The following CAMK2A variants were observed in gnomAD, a reference collection of about 807,000 sequenced individuals.
CAMK2A encodes calcium/calmodulin dependent protein kinase II alpha, also known as calcium/calmodulin-dependent protein kinase type II subunit alpha.
CAMK2A carries 7 observed loss-of-function variants against 79.2 expected under a neutral mutation model. The ratio of observed to expected loss-of-function variants is 0.09; its 90% CI spans 0.05 to 0.17. The LOEUF (loss-of-function observed/expected upper bound fraction) is 0.17. Ranked by LOEUF, CAMK2A falls within the 10% of genes least tolerant of loss-of-function variation. The probability of loss-of-function intolerance (pLI) is 1.00; values close to 1 mark genes in which losing one functional copy is unlikely to be tolerated. For missense variants in CAMK2A, 214 were observed against 646.4 expected, an observed-to-expected ratio of 0.33 and a Z score of 7.25; for synonymous variants, 242 against 251.7, an observed-to-expected ratio of 0.96 and a Z score of 0.36.
At chr5:150,240,367 C>G (rs1452175000) in intron 13 of CAMK2A, among the ~76,000 whole-genome samples, 3 of 152,178 alleles carry the variant, frequency 2.0e-5, no homozygotes, top group African/African-American at 4.8e-5. Context: ...CTCTAAGTAG[C>G]CTTTGCAATC....
intron 1 of CAMK2A, among the ~76,000 whole-genome samples, chr5:150,278,365 T>G (rs1757047407): frequency 1.3e-5 from 2 of 151,376 alleles, no homozygotes; most frequent in African/African-American, 4.9e-5. Flanking sequence ...TCCTCCCTTT[T>G]TTATCTTCTG....
chr5:150,230,809 G>A (rs1413057547), intron 16 of CAMK2A, among the ~76,000 whole-genome samples: 1 of 152,244 alleles, frequency 6.6e-6, no homozygotes, highest in East Asian at 1.9e-4. Flanking sequence ...ATTCTGCTTA[G>A]AATTACTTCT....
At chr5:150,253,857 AAGCAGC>A (rs139916117) in intron 6 of CAMK2A, among the ~76,000 whole-genome samples, 16 of 149,008 alleles carry the variant, frequency 1.1e-4, no homozygotes, top group African/African-American at 3.1e-4. Flanking sequence ...CACCACAATA[AAGCAGC>A]AGCAGCAGCA....
chr5:150,267,781 A>G (rs1488797894), intron 2 of CAMK2A, among the ~76,000 whole-genome samples: 1 of 151,926 alleles, frequency 6.6e-6, no homozygotes, highest in Non-Finnish European at 1.5e-5. Flanking sequence ...GAGTCCCTTT[A>G]TCAAAATCAC....
chr5:150,222,955 A>C, intron 18 of CAMK2A, 34 bp downstream of exon 18: 4 of 1,585,484 alleles, frequency 2.5e-6, no homozygotes, highest in Non-Finnish European at 3.5e-6. Flanking sequence ...CATCCTTTAC[A>C]TTACCCTGGG....
At chr5:150,282,358 G>A (rs1757252245) in intron 1 of CAMK2A, among the ~76,000 whole-genome samples, 1 of 152,184 alleles carries the variant, frequency 6.6e-6, no homozygotes, top group Non-Finnish European at 1.5e-5. Context: ...GGGTTTTTTT[G>A]TATGGGTCAC....
At chr5:150,264,863 G>A (rs920816591) in intron 3 of CAMK2A, 93 bp downstream of exon 3, 2 of 910,910 alleles carry the variant, frequency 2.2e-6, no homozygotes, top group Non-Finnish European at 3.7e-6. Flanking sequence ...GAGAGCAGCT[G>A]CTCTCCACCC....
intron 17 of CAMK2A, among the ~76,000 whole-genome samples, chr5:150,227,670 G>T (rs1272515793): frequency 6.6e-6 from 1 of 152,194 alleles, no homozygotes; most frequent in African/African-American, 2.4e-5. Flanking sequence ...GGACAGACAT[G>T]CAGGACAGAG....
intron 13 of CAMK2A, among the ~76,000 whole-genome samples, chr5:150,242,284 CTT>C (rs1194988853): frequency 5.9e-5 from 9 of 152,214 alleles, no homozygotes; most frequent in Admixed American, 5.9e-4. Flanking sequence ...AAATCTCCCT[CTT>C]TCACCAAAAG....
chr5:150,247,941 T>TCTGCC (rs1354311801), intron 11 of CAMK2A, 127 bp from the exon 12 acceptor site: 1 of 743,710 alleles, frequency 1.3e-6, no homozygotes, highest in Non-Finnish European at 2.3e-6. Context: ...AGCCAAAGCC[T>TCTGCC]CTGCCCTGCC....
At chr5:150,230,576 G>A (rs937213338) in intron 16 of CAMK2A, among the ~76,000 whole-genome samples, 8 of 152,138 alleles carry the variant, frequency 5.3e-5, no homozygotes, top group Non-Finnish European at 1.0e-4. Context: ...CCAAAATATT[G>A]AGGACTAAGC....
intron 1 of CAMK2A, among the ~76,000 whole-genome samples, chr5:150,281,028 G>A (rs1013650143): frequency 7.2e-5 from 11 of 152,198 alleles, no homozygotes; most frequent in Admixed American, 3.9e-4. Context: ...CCATGACTCT[G>A]CAAATAGTTA....
chr5:150,268,120 C>G (rs549075704), intron 2 of CAMK2A, among the ~76,000 whole-genome samples: 1 of 152,120 alleles, frequency 6.6e-6, no homozygotes, highest in Admixed American at 6.5e-5. Context: ...CCTTGTGATC[C>G]GCCCGCCTTG....
intron 1 of CAMK2A, among the ~76,000 whole-genome samples, chr5:150,273,689 C>G (rs1464849171): frequency 1.3e-5 from 2 of 152,150 alleles, no homozygotes; most frequent in African/African-American, 4.8e-5. Context: ...ATAGAGTTCT[C>G]CACCTTCCTT....
intron 7 of CAMK2A, among the ~76,000 whole-genome samples, chr5:150,253,235 G>A (rs757480974): frequency 2.0e-5 from 3 of 152,202 alleles, no homozygotes; most frequent in African/African-American, 4.8e-5. Flanking sequence ...GTGGAAGGCC[G>A]TAGGGTCCCA....
At chr5:150,238,907 A>G (rs1043368099) in intron 14 of CAMK2A, among the ~76,000 whole-genome samples, 159 bp from the exon 15 acceptor site, 1 of 152,208 alleles carries the variant, frequency 6.6e-6, no homozygotes. Flanking sequence ...TCCAGCCTCA[A>G]GACGGGGAGG....
chr5:150,249,370 C>T (rs1299124185), intron 11 of CAMK2A, among the ~76,000 whole-genome samples: 1 of 152,198 alleles, frequency 6.6e-6, no homozygotes, highest in Non-Finnish European at 1.5e-5. Context: ...AGCCATTCCT[C>T]CACAGTACTG....
chr5:150,228,400 T>C (rs1754697831), intron 16 of CAMK2A, 114 bp from the exon 17 acceptor site: 4 of 712,470 alleles, frequency 5.6e-6, no homozygotes, highest in African/African-American at 3.6e-5. Context: ...TCATTGAAGT[T>C]AGTAGATGGG....
intron 12 of CAMK2A, among the ~76,000 whole-genome samples, chr5:150,246,736 A>G (rs188495795): frequency 6.9e-4 from 105 of 152,252 alleles, no homozygotes; most frequent in Non-Finnish European, 1.1e-3. Flanking sequence ...GAGGTAGGAA[A>G]AGCCCAGTCA....
Sources: gnomAD v4.1 joint callset for allele counts (sites outside exome capture counted in the v4.1 genomes callset) on GRCh38, gnomAD v4.1.1 for gene constraint, MANE v1.5 for transcripts, NCBI Gene and HGNC (gene_info 2026-07-23, HGNC 2026-07-21) for gene names.